The following MAP3K15 variants were observed in gnomAD, a reference collection of about 807,000 sequenced individuals.
MAP3K15 encodes MAPK/ERK kinase kinase 15.
A neutral mutation model predicts 99.5 loss-of-function variants in MAP3K15; 124 were observed. The observed-to-expected ratio is 1.25, with a 90% confidence interval of 1.08 to 1.45. The LOEUF is 1.45. Among genes scored for constraint, MAP3K15 ranks in the 40% most tolerant of loss-of-function variants. The pLI is 0.00. For synonymous variants in MAP3K15, 494 were observed against 439.6 expected, an observed-to-expected ratio of 1.12 and a Z score of -1.55; for missense variants, 1,242 against 1,079.7, an observed-to-expected ratio of 1.15 and a Z score of -2.11.
At chrX:19,397,805 C>A (rs762332004) in intron 15 of MAP3K15, among the ~76,000 whole-genome samples, 1 of 111,375 alleles carries the variant, frequency 9.0e-6, no homozygotes, top group Admixed American at 9.5e-5. Context: ...TGGCCGGGCG[C>A]GGTGGCTCAT....
chrX:19,416,949 G>A (rs2063741152), intron 9 of MAP3K15, among the ~76,000 whole-genome samples: 1 of 111,855 alleles, frequency 8.9e-6, no homozygotes, highest in Admixed American at 9.5e-5. Context: ...ATGTTATTTT[G>A]AGGTAATTTT....
intron 10 of MAP3K15, among the ~76,000 whole-genome samples, chrX:19,414,771 G>C (rs144690356): frequency 0.01 from 1,169 of 111,595 alleles, 17 homozygotes; most frequent in African/African-American, 0.037. Context: ...GTGCATTGTG[G>C]GATGTTCAAC....
intron 12 of MAP3K15, among the ~76,000 whole-genome samples, chrX:19,407,932 A>G (rs1014189914): frequency 8.9e-6 from 1 of 112,012 alleles, no homozygotes; most frequent in African/African-American, 3.2e-5. Context: ...ATTCTCTTCT[A>G]TCATTGTCCC....
At chrX:19,405,783 T>C (rs1326868889) in intron 13 of MAP3K15, among the ~76,000 whole-genome samples, 1 of 112,154 alleles carries the variant, frequency 8.9e-6, no homozygotes, top group Non-Finnish European at 1.9e-5. Flanking sequence ...AAAATAACCA[T>C]ATGCATAGAG....
At chrX:19,499,947 T>A (rs1393747979) in intron 1 of MAP3K15, among the ~76,000 whole-genome samples, 4 of 112,867 alleles carry the variant, frequency 3.5e-5, no homozygotes, top group Non-Finnish European at 7.5e-5. Flanking sequence ...ACATTTAATA[T>A]GTTTAAAAAG....
intron 9 of MAP3K15, among the ~76,000 whole-genome samples, chrX:19,421,031 C>T (rs936345260): frequency 2.7e-5 from 3 of 111,128 alleles, no homozygotes; most frequent in East Asian, 2.8e-4. Flanking sequence ...TGGGACGTAT[C>T]TCAAAATAAT....
At chrX:19,427,994 A>G (rs2063846005) in intron 7 of MAP3K15, among the ~76,000 whole-genome samples, 1 of 110,750 alleles carries the variant, frequency 9.0e-6, no homozygotes, top group Non-Finnish European at 1.9e-5. Flanking sequence ...TTCTTCTACT[A>G]TGAAAAGTCA....
chrX:19,403,460 C>CTTTTTTTT (rs144389481), intron 13 of MAP3K15, among the ~76,000 whole-genome samples: 2 of 87,001 alleles, frequency 2.3e-5, no homozygotes, highest in African/African-American at 9.2e-5. Context: ...TTATTCTATT[C>CTTTTTTTT]TTTTTTTTTT....
Position 19,415,271 on chromosome X carries a change from A to T in MAP3K15, c.1440-14T>A. On this transcript the variant is annotated splice_polypyrimidine_tract_variant and intron_variant, in intron 9 of 28. Transcript: ENST00000338883. ...GATCGCAGGTACCTGGAAAAATCAC[A>T]AACAGCAATATATTGGATTCCTAAA... The T allele has an allele frequency of 8.7e-7, 1 of 1,152,175 alleles. No homozygotes were observed. Among genetic ancestry groups the T allele is most frequent in the Non-Finnish European group, 1.2e-6 (1 of 869,453 alleles). 95.0% of individuals were successfully genotyped at this position (1,152,175 alleles called of 1,213,427 possible). A position where few individuals can be genotyped will look rare whatever the true frequency, so the allele number is the denominator to read the frequency against.
intron 3 of MAP3K15, among the ~76,000 whole-genome samples, chrX:19,474,591 C>T (rs181820522): frequency 3.4e-4 from 36 of 104,827 alleles, no homozygotes; most frequent in African/African-American, 1.2e-3. Context: ...TACATCATTG[C>T]CATCATTTGC....
At chrX:19,460,988 T>TC (rs369575114) in intron 4 of MAP3K15, among the ~76,000 whole-genome samples, 1 of 107,239 alleles carries the variant, frequency 9.3e-6, no homozygotes, top group Non-Finnish European at 1.9e-5. Context: ...TTTTTTTTTT[T>TC]CTTTTTCTTA....
intron 12 of MAP3K15, among the ~76,000 whole-genome samples, chrX:19,407,722 G>C (rs1436371652): frequency 8.9e-6 from 1 of 112,213 alleles, no homozygotes; most frequent in Non-Finnish European, 1.9e-5. Context: ...AATAAACATG[G>C]CACTGTAGCT....
chrX:19,442,887 T>C (rs2063969344), intron 6 of MAP3K15, among the ~76,000 whole-genome samples: 1 of 105,075 alleles, frequency 9.5e-6, no homozygotes, highest in South Asian at 4.3e-4. Context: ...CACACCTGGG[T>C]AATTTTTTAT....
chrX:19,474,581 T>C (rs1298267912), intron 3 of MAP3K15, among the ~76,000 whole-genome samples: 5 of 103,952 alleles, frequency 4.8e-5, no homozygotes, highest in Non-Finnish European at 9.8e-5. Context: ...AGAAAAAAAT[T>C]ACATCATTGC....
rs2063404602 is a variant in MAP3K15, at chrX:19,374,601, G to C, written c.2649C>G (p.Ala883=). The change falls in exon 20 of 29, where the codon GCC becomes GCG. Residue 883 remains alanine (A), a synonymous_variant. Coordinates refer to ENST00000338883, the MANE Select transcript of MAP3K15 (RefSeq NM_001001671.4). The part of the protein sequence containing the change: ...IPEALSAEAR[A]FILSCFEPDP... ...CAGGCTCGAAACAGGATAAAATGAA[G>C]GCTCGGGCTTCAGCTGAAAGGGCTT... 8.3e-7 allele frequency: 1 copy of C among 1,211,595 alleles called. No homozygotes were observed. The highest frequency in any genetic ancestry group is 3.0e-5 in the East Asian group (1 of 33,834).
chrX:19,401,561 G>A (rs1183145625), intron 13 of MAP3K15, among the ~76,000 whole-genome samples: 1 of 111,512 alleles, frequency 9.0e-6, no homozygotes, highest in African/African-American at 3.3e-5. Context: ...GCTAAGGATA[G>A]GGGGACTATT....
At chrX:19,481,218 C>T (rs924177291) in intron 3 of MAP3K15, among the ~76,000 whole-genome samples, 1 of 107,217 alleles carries the variant, frequency 9.3e-6, no homozygotes, top group African/African-American at 3.4e-5. Context: ...TAAACCCTTA[C>T]GTATACAGTC....
chrX:19,471,782 G>A (rs867596016), intron 3 of MAP3K15, among the ~76,000 whole-genome samples: 6 of 111,133 alleles, frequency 5.4e-5, no homozygotes, highest in African/African-American at 9.8e-5. Context: ...CGAAGGCCAC[G>A]GGATGACATA....
At chrX:19,379,604 C>A (rs952287611) in intron 19 of MAP3K15, among the ~76,000 whole-genome samples, 3 of 110,220 alleles carry the variant, frequency 2.7e-5, no homozygotes, top group African/African-American at 9.9e-5. Context: ...TGCGCCACCA[C>A]GTCCAGCTGA....
Sources: gnomAD v4.1 joint callset for allele counts (sites outside exome capture counted in the v4.1 genomes callset) on GRCh38, gnomAD v4.1.1 for gene constraint, MANE v1.5 for transcripts, NCBI Gene and HGNC (gene_info 2026-07-23, HGNC 2026-07-21) for gene names.